The following HMGN4 variants were observed in gnomAD, a reference collection of about 807,000 sequenced individuals.
HMGN4 encodes high mobility group nucleosomal binding domain 4, also known as high mobility group nucleosome-binding domain-containing protein 4.
For missense variants in HMGN4, 69 were observed against 104.9 expected (o/e 0.66, Z 1.49); for synonymous variants, 39 against 39.1 (o/e 1.00, Z 0.01).
chr6:26,539,223 C>T (rs531798495), intron 1 of HMGN4, among the ~76,000 whole-genome samples: 1 of 152,356 alleles, frequency 6.6e-6, no homozygotes, highest in East Asian at 1.9e-4. Flanking sequence ...CAAGCCTAGC[C>T]TCTCAGATCA....
rs1362001611 is a variant in HMGN4 at position 26,545,479 on chromosome 6, A to T, written c.273A>T (p.Ter91CysextTer5). 6.5e-7 allele frequency: 1 copy of T among 1,545,702 alleles called. No individual in the cohort carries two copies. The highest frequency in any genetic ancestry group is 8.7e-7 in the Non-Finnish European group (1 of 1,149,592). The stretch of plus-strand genomic sequence containing the variant: ...CGGAAGGCACTGGGGATGCCAAGTG[A>T]AATGTACATTTTTGAGAGCTCTGTA... The part of the protein sequence containing the change: ...QKAEGTGDAK[*>C] Residue 91 changes from the stop codon to cysteine (C), a stop_lost, in exon 2 of 2, where the codon TGA becomes TGT. Transcript: ENST00000377575.
chr6:26,540,597 G>A (rs149137762), intron 1 of HMGN4, among the ~76,000 whole-genome samples: 1 of 152,298 alleles, frequency 6.6e-6, no homozygotes, highest in African/African-American at 2.4e-5. Context: ...ACCTCCCAAA[G>A]TGCTGGGATT....
intron 1 of HMGN4, among the ~76,000 whole-genome samples, chr6:26,540,534 A>G (rs994580147): frequency 6.6e-6 from 1 of 152,122 alleles, no homozygotes; most frequent in African/African-American, 2.4e-5. Flanking sequence ...GGGTTTCACC[A>G]TGTTGGCCAG....
At position 26,542,984 on chromosome 6, in the gene HMGN4, G is replaced by A. The variant is rs183211374; in HGVS notation, c.-80-2143G>A. Among the ~76,000 whole-genome samples the A allele has an allele frequency of 1.1e-4, 17 of 152,130 alleles. No individual in the cohort carries two copies. The highest frequency in any genetic ancestry group is 1.3e-4 in the Admixed American group (2 of 15,266). Reference sequence around the variant, plus strand: ...AGTGAGATGGAAGGAGAATGGTATGGAGTATCTATTCTTAGGGAAATGTGT... The same window carrying A: ...AGTGAGATGGAAGGAGAATGGTATGAAGTATCTATTCTTAGGGAAATGTGT... On this transcript the variant is annotated intron_variant, in intron 1 of 1. Transcript: ENST00000377575. This position sits in a 1 kb window ranked among gnomAD's most constrained non-coding sequence, Gnocchi z 4.6.
At position 26,543,421 on chromosome 6, in the gene HMGN4, CTTTT is replaced by C. The variant is rs70977285; in HGVS notation, c.-80-1691_-80-1688del. ...CTGTATGTCTCAGTGGCACCATTAC[CTTTT>C]TTTTTTTTTTTTTTGAAGCAGAGTC... On this transcript the variant is annotated intron_variant, in intron 1 of 1. Coordinates refer to ENST00000377575, the MANE Select transcript of HMGN4 (RefSeq NM_006353.3). 1.1e-4 allele frequency among the ~76,000 whole-genome samples: 9 copies of C among 80,134 alleles called. 1 individual carries two copies. Among genetic ancestry groups the C allele is most frequent in the Admixed American group, 1.7e-4 (1 of 6,058 alleles). 52.6% of individuals were successfully genotyped at this position (80,134 alleles called of 152,430 possible).
intron 1 of HMGN4, among the ~76,000 whole-genome samples, chr6:26,538,749 C>G (rs904224210): frequency 1.3e-5 from 2 of 152,156 alleles, no homozygotes; most frequent in Non-Finnish European, 2.9e-5. Context: ...GCCGCAGGCC[C>G]GACCGGGATG....
chr6:26,544,097 G>A (rs549608448), intron 1 of HMGN4, among the ~76,000 whole-genome samples: 1 of 151,958 alleles, frequency 6.6e-6, no homozygotes, highest in African/African-American at 2.4e-5. Flanking sequence ...ATTTTTCTGT[G>A]TAAGACATAG....
rs563841252 is a variant in HMGN4, at chr6:26,542,043, C to G, written c.-80-3084C>G. Among the ~76,000 whole-genome samples the G allele has an allele frequency of 1.3e-5, 2 of 152,208 alleles. No individual in the cohort carries two copies. The highest frequency in any genetic ancestry group is 6.5e-5 in the Admixed American group (1 of 15,282). Reference sequence around the variant, plus strand: ...CTGATGATACCATTGAAAGTCATTTCTCTATGTTTCCAAAAGTTGTACAAT... The same window carrying G: ...CTGATGATACCATTGAAAGTCATTTGTCTATGTTTCCAAAAGTTGTACAAT... On this transcript the variant is annotated intron_variant, in intron 1 of 1. Coordinates refer to ENST00000377575, the MANE Select transcript of HMGN4 (RefSeq NM_006353.3). This position sits in a 1 kb window ranked among gnomAD's most constrained non-coding sequence, Gnocchi z 4.6.
intron 1 of HMGN4, among the ~76,000 whole-genome samples, chr6:26,540,847 C>T (rs746322440): frequency 3.9e-5 from 6 of 152,066 alleles, no homozygotes; most frequent in African/African-American, 7.2e-5. Context: ...AACCCAGTTC[C>T]GTATCCATCG....
intron 1 of HMGN4, among the ~76,000 whole-genome samples, chr6:26,539,317 C>G (rs1431303867): frequency 6.6e-6 from 1 of 152,240 alleles, no homozygotes; most frequent in Non-Finnish European, 1.5e-5. Context: ...GAGTCTCACT[C>G]TGTTGTCCAG....
At position 26,545,595 on chromosome 6, in the gene HMGN4, G is replaced by A; in HGVS notation, c.*116G>A. ...TTGGCTTTTTTAAGTTATGTTGTTA[G>A]CACACAGGACACTTCCTTGTTGTCT... On this transcript the variant is annotated 3_prime_UTR_variant, in exon 2 of 2. Coordinates refer to ENST00000377575, the MANE Select transcript of HMGN4 (RefSeq NM_006353.3). 2 of 890,888 alleles carry A rather than the reference G, an allele frequency of 2.2e-6. No individual in the cohort carries two copies. Among genetic ancestry groups the A allele is most frequent in the Non-Finnish European group, 3.3e-6 (2 of 607,792 alleles). 55.2% of individuals were successfully genotyped at this position (890,888 alleles called of 1,614,324 possible). A position where few individuals can be genotyped will look rare whatever the true frequency, so the allele number is the denominator to read the frequency against.
chr6:26,541,910 T>A (rs1764291109), intron 1 of HMGN4, among the ~76,000 whole-genome samples: 1 of 152,230 alleles, frequency 6.6e-6, no homozygotes, highest in Non-Finnish European at 1.5e-5. Flanking sequence ...ATAATGTTAT[T>A]GGAAGAGTTA....
rs1289425632 is a variant in HMGN4, at chr6:26,546,923, A to G, written c.*1444A>G. Among the ~76,000 whole-genome samples the G allele has an allele frequency of 1.3e-5, 2 of 152,134 alleles. No individual in the cohort carries two copies. ...TGAAATATCTTTCAATAAAGTTTAT[A>G]ATTTTCTCCATAAAGGTCTTCTTGT... On this transcript the variant is annotated 3_prime_UTR_variant, in exon 2 of 2. Coordinates refer to ENST00000377575, the MANE Select transcript of HMGN4 (RefSeq NM_006353.3).
chr6:26,539,449 T>C (rs1192517535), intron 1 of HMGN4, among the ~76,000 whole-genome samples: 2 of 152,000 alleles, frequency 1.3e-5, no homozygotes, highest in African/African-American at 4.8e-5. Context: ...TTTGTATTTT[T>C]AGTTGGAGAC....
chr6:26,540,445 C>A (rs1051277249), intron 1 of HMGN4, among the ~76,000 whole-genome samples: 3 of 151,912 alleles, frequency 2.0e-5, no homozygotes, highest in Non-Finnish European at 1.5e-5. Flanking sequence ...AGTGATTCTC[C>A]TGCCTCAGCT....
rs70977285 is a variant in HMGN4 at position 26,543,421 on chromosome 6, C to CTTTTTTTTTT, written c.-80-1697_-80-1688dup. On this transcript the variant is annotated intron_variant, in intron 1 of 1. Transcript: ENST00000377575. Reference sequence around the variant, plus strand: ...CTGTATGTCTCAGTGGCACCATTACCTTTTTTTTTTTTTTTTTTGAAGCAG... The same window carrying CTTTTTTTTTT: ...CTGTATGTCTCAGTGGCACCATTACCTTTTTTTTTTTTTTTTTTTTTTTTTTTTGAAGCAG... 3.2e-4 allele frequency among the ~76,000 whole-genome samples: 26 copies of CTTTTTTTTTT among 80,136 alleles called. 7 individuals carry two copies. The highest frequency in any genetic ancestry group is 2.5e-3 in the South Asian group (4 of 1,624). 52.6% of individuals were successfully genotyped at this position (80,136 alleles called of 152,430 possible). A position where few individuals can be genotyped will look rare whatever the true frequency, so the allele number is the denominator to read the frequency against.
chr6:26,545,909 G>T lies in HMGN4; in HGVS notation c.*430G>T, dbSNP rs1764345090. The T allele has an allele frequency of 6.0e-6, 1 of 167,180 alleles. No individual in the cohort carries two copies. The highest frequency in any genetic ancestry group is 1.5e-5 in the Non-Finnish European group (1 of 68,254). 10.4% of individuals were successfully genotyped at this position (167,180 alleles called of 1,614,324 possible). On this transcript the variant is annotated 3_prime_UTR_variant, in exon 2 of 2. Transcript: ENST00000377575. The stretch of plus-strand genomic sequence containing the variant: ...GCAACCCTAAAATCAGCTGTGTTAG[G>T]TAACAAAACTCAGGCTTTCTGTTGA...
At chr6:26,540,544 G>C (rs1162087302) in intron 1 of HMGN4, among the ~76,000 whole-genome samples, 2 of 152,098 alleles carry the variant, frequency 1.3e-5, no homozygotes, top group Non-Finnish European at 2.9e-5. Context: ...ATGTTGGCCA[G>C]GCTGGTCTTG....
chr6:26,544,252 CT>C (rs199882773), intron 1 of HMGN4, among the ~76,000 whole-genome samples: 3 of 151,398 alleles, frequency 2.0e-5, no homozygotes, highest in Non-Finnish European at 4.4e-5. Context: ...TTATTTATCC[CT>C]TTTTTTTTAA....
Sources: gnomAD v4.1 joint callset for allele counts (sites outside exome capture counted in the v4.1 genomes callset) on GRCh38, gnomAD v4.1.1 for gene constraint, Gnocchi (gnomAD v3.1) non-coding constraint, MANE v1.5 for transcripts, NCBI Gene and HGNC (gene_info 2026-07-23, HGNC 2026-07-21) for gene names.